Variants in MGAT4C observed in about 807,000 individuals in gnomAD.
MGAT4C encodes MGAT4 family member C, also known as alpha-1,3-mannosyl-glycoprotein 4-beta-N-acetylglucosaminyltransferase C.
MGAT4C carries 19 observed loss-of-function variants against 40.1 expected under a neutral mutation model. The observed-to-expected ratio is 0.47, with a 90% CI of 0.33 to 0.70. MGAT4C has a LOEUF of 0.70. MGAT4C is among the 30% of genes least tolerant of loss of function. The pLI, the probability that MGAT4C is intolerant of heterozygous loss-of-function variation, is 0.02. For missense variants in MGAT4C, 491 were observed against 563.2 expected (o/e 0.87, Z 1.30); for synonymous variants, 181 against 187.1 (o/e 0.97, Z 0.27).
At chr12:86,630,382 A>G (rs983021704) in intron 2 of MGAT4C, among the ~76,000 whole-genome samples, 5 of 152,208 alleles carry the variant, frequency 3.3e-5, no homozygotes, top group African/African-American at 1.2e-4. Flanking sequence ...AAAAAGAGGG[A>G]ATCCTCCCTA....
At chr12:86,518,690 A>G (rs1366858136) in intron 2 of MGAT4C, among the ~76,000 whole-genome samples, 1 of 152,172 alleles carries the variant, frequency 6.6e-6, no homozygotes, top group Non-Finnish European at 1.5e-5. Flanking sequence ...AGGCCTTTCC[A>G]TATGAAAAAA....
At chr12:86,030,329 G>T (rs1045442446) in intron 2 of MGAT4C, among the ~76,000 whole-genome samples, 1 of 151,702 alleles carries the variant, frequency 6.6e-6, no homozygotes, top group South Asian at 2.1e-4. Flanking sequence ...TTGTGGAATT[G>T]AAAAGACGAC....
chr12:86,488,574 T>G (rs1462301583), intron 2 of MGAT4C, among the ~76,000 whole-genome samples: 1 of 152,150 alleles, frequency 6.6e-6, no homozygotes, highest in Non-Finnish European at 1.5e-5. Flanking sequence ...CTTTATATAT[T>G]TCACTTCCAA....
At chr12:86,783,258 T>C (rs1233632065) in intron 1 of MGAT4C, among the ~76,000 whole-genome samples, 1 of 152,070 alleles carries the variant, frequency 6.6e-6, no homozygotes, top group East Asian at 1.9e-4. Context: ...AATGAAAAAT[T>C]AAACCCAGAA....
chr12:86,005,310 G>A (rs1445466128), intron 2 of MGAT4C, among the ~76,000 whole-genome samples: 2 of 152,040 alleles, frequency 1.3e-5, no homozygotes, highest in African/African-American at 4.8e-5. Flanking sequence ...AAACTATTGA[G>A]TATTCTTATT....
At chr12:86,013,279 A>T (rs1888700155) in intron 2 of MGAT4C, among the ~76,000 whole-genome samples, 2 of 152,060 alleles carry the variant, frequency 1.3e-5, no homozygotes, top group South Asian at 4.1e-4. Context: ...TTGGAGACGG[A>T]GTCTTGCTCT....
At chr12:86,646,563 T>C (rs1963548262) in intron 2 of MGAT4C, among the ~76,000 whole-genome samples, 1 of 151,940 alleles carries the variant, frequency 6.6e-6, no homozygotes, top group Admixed American at 6.6e-5. Flanking sequence ...CAATGTATTC[T>C]GTCTAGGAAA....
At chr12:86,750,219 A>G (rs1951213932) in intron 1 of MGAT4C, among the ~76,000 whole-genome samples, 1 of 151,884 alleles carries the variant, frequency 6.6e-6, no homozygotes, top group South Asian at 2.1e-4. Flanking sequence ...AGGCAGGAAC[A>G]TATGTGCAAG....
chr12:86,051,708 G>A (rs1041350617), intron 1 of MGAT4C, among the ~76,000 whole-genome samples: 12 of 150,978 alleles, frequency 7.9e-5, no homozygotes, highest in East Asian at 5.8e-4. Context: ...CAAATTAGGT[G>A]GTATCTTCAA....
chr12:86,234,891 ACCACTGCCTCCTT>A (rs1198857016), intron 1 of MGAT4C, among the ~76,000 whole-genome samples: 2 of 151,946 alleles, frequency 1.3e-5, no homozygotes, highest in Non-Finnish European at 2.9e-5. Context: ...TTCATCTGAC[ACCACTGCCTCCTT>A]CCATCTTCCT....
intron 4 of MGAT4C, among the ~76,000 whole-genome samples, chr12:86,268,666 T>C (rs868432787): frequency 8.0e-6 from 1 of 125,588 alleles, no homozygotes; most frequent in East Asian, 2.0e-4. Context: ...ATTAACTACA[T>C]ATATATATAT....
At chr12:86,098,122 T>C (rs187628916) in intron 1 of MGAT4C, among the ~76,000 whole-genome samples, 34 of 151,804 alleles carry the variant, frequency 2.2e-4, no homozygotes, top group African/African-American at 8.2e-4. Flanking sequence ...ATATTATATG[T>C]AATACATAAA....
chr12:86,793,828 A>G (rs1368463215), intron 1 of MGAT4C, among the ~76,000 whole-genome samples: 1 of 152,054 alleles, frequency 6.6e-6, no homozygotes, highest in Non-Finnish European at 1.5e-5. Flanking sequence ...TTAGTTGTTG[A>G]CAATTATATT....
chr12:86,660,226 G>T (rs1204319023), intron 2 of MGAT4C, among the ~76,000 whole-genome samples: 2 of 152,118 alleles, frequency 1.3e-5, no homozygotes, highest in African/African-American at 4.8e-5. Flanking sequence ...TAACAAAGTA[G>T]ATTGACGGGA....
At position 85,964,901 on chromosome 12, in the gene MGAT4C, G is replaced by A. The variant is rs1435987380; in HGVS notation, c.*14388C>T. Reference sequence around the variant, plus strand: ...GTCCTATGATTAAACTCACTTTTATGTAAGATAGTGAGGCCCCAGAGAGCC... The same window carrying A: ...GTCCTATGATTAAACTCACTTTTATATAAGATAGTGAGGCCCCAGAGAGCC... On this transcript the variant is annotated 3_prime_UTR_variant, in exon 5 of 5. Transcript: ENST00000611864. The A allele has an allele frequency of 6.6e-6, 1 of 152,110 alleles. No homozygotes were observed. Among genetic ancestry groups the A allele is most frequent in the African/African-American group, 2.4e-5 (1 of 41,426 alleles). The allele number at this position is 152,110 out of a possible 1,614,324, so 9.4% of individuals were successfully genotyped here.
intron 2 of MGAT4C, among the ~76,000 whole-genome samples, chr12:86,620,202 C>T (rs1232840230): frequency 6.6e-6 from 1 of 152,120 alleles, no homozygotes; most frequent in Non-Finnish European, 1.5e-5. Flanking sequence ...GGAAATCCCA[C>T]TGCTGGGTAA....
intron 1 of MGAT4C, among the ~76,000 whole-genome samples, chr12:86,111,139 T>G (rs1246098603): frequency 6.6e-6 from 1 of 151,780 alleles, no homozygotes; most frequent in Non-Finnish European, 1.5e-5. Context: ...GGAGACTAAT[T>G]TTCTCTATAT....
At position 86,046,081 on chromosome 12, in the gene MGAT4C, A is replaced by G. The variant is rs560839840; in HGVS notation, c.-7+3593T>C. On this transcript the variant is annotated intron_variant, in intron 2 of 4. Transcript: ENST00000611864. ...CAGATTTCTGTAGTATTCACAATGG[A>G]GTTAAATCATTTGAAGATGAGGAAA... Among the ~76,000 whole-genome samples the G allele has an allele frequency of 2.6e-5, 4 of 152,276 alleles. No individual in the cohort carries two copies. In the South Asian group the frequency reaches 8.3e-4, roughly 32 times the overall value.
In MGAT4C at chr12:86,581,706, T is replaced by C. The variant is rs1039716392; in HGVS notation, c.-229+145503A>G. On this transcript the variant is annotated intron_variant, in intron 2 of 7. Coordinates refer to the MGAT4C transcript ENST00000548651. ...GGAAGTTTTATCTTAAATATGTCTGTTATGGATCAATATTTCTGGGATAAG... is the reference window on the plus strand; with the variant it reads ...GGAAGTTTTATCTTAAATATGTCTGCTATGGATCAATATTTCTGGGATAAG... 9.1e-5 allele frequency among the ~76,000 whole-genome samples: 9 copies of C among 99,292 alleles called. No individual in the cohort carries two copies. In the East Asian group the frequency reaches 1.4e-3, roughly 16 times the overall value. 65.1% of individuals were successfully genotyped at this position (99,292 alleles called of 152,430 possible). A position where few individuals can be genotyped will look rare whatever the true frequency, so the allele number is the denominator to read the frequency against.
Sources: gnomAD v4.1 joint callset for allele counts (sites outside exome capture counted in the v4.1 genomes callset) on GRCh38, gnomAD v4.1.1 for gene constraint, MANE v1.5 for transcripts, NCBI Gene and HGNC (gene_info 2026-07-23, HGNC 2026-07-21) for gene names.